The following FRMD6 variants were observed in gnomAD, a reference collection of about 807,000 sequenced individuals.
FRMD6 encodes the protein FERM domain-containing protein 6.
Under a neutral mutation model 73.2 loss-of-function variants are expected in FRMD6, and 37 were observed. The ratio of observed to expected loss-of-function variants is 0.51; its 90% CI spans 0.39 to 0.66. The LOEUF (loss-of-function observed/expected upper bound fraction) is 0.66. FRMD6 is among the 30% of genes least tolerant of loss of function. FRMD6 has a pLI of 0.00. For missense variants in FRMD6, 714 were observed against 780.5 expected (o/e 0.91, Z 1.02); for synonymous variants, 273 against 282.2 (o/e 0.97, Z 0.33).
chr14:51,474,014 C>T, the FRMD6 span, among the ~76,000 whole-genome samples: 4 of 152,212 alleles, frequency 2.6e-5, no homozygotes, highest in Non-Finnish European at 4.4e-5. Context: ...AAAAACCCTA[C>T]GAAATCTATT....
At chr14:51,489,000 GGCAT>G (rs1220950943), upstream of FRMD6, 1 of 152,206 alleles carries the variant, frequency 6.6e-6, no homozygotes, top group Non-Finnish European at 1.5e-5. Context: ...GACAGGTACG[GGCAT>G]GCATCAGAAA....
chr14:51,516,158 C>A lies in FRMD6; in HGVS notation c.-210+26738C>A, dbSNP rs534395205. Reference sequence around the variant, plus strand: ...GCCAAAGAGCTGCCCACTGGTGAACCCCTTGCCTTGAATTCTCTCTTCTAA... The same window carrying A: ...GCCAAAGAGCTGCCCACTGGTGAACACCTTGCCTTGAATTCTCTCTTCTAA... On this transcript the variant is annotated intron_variant, in intron 1 of 14. Coordinates refer to the FRMD6 transcript ENST00000356218. Among the ~76,000 whole-genome samples the A allele has an allele frequency of 3.9e-5, 6 of 152,100 alleles. No individual in the cohort carries two copies. The East Asian group carries it at 1.2e-3, about 29-fold the overall frequency.
At chr14:51,692,881 C>T (rs1895698864) in intron 2 of FRMD6, 1 of 152,126 alleles carries the variant, frequency 6.6e-6, no homozygotes, top group Admixed American at 6.6e-5. Flanking sequence ...ATGCAAGCAT[C>T]TGCCCTAAAT....
chr14:51,584,700 A>T (rs1888922732), intron 2 of FRMD6, among the ~76,000 whole-genome samples: 1 of 151,782 alleles, frequency 6.6e-6, no homozygotes, highest in Non-Finnish European at 1.5e-5. Context: ...GTTTTGCTTT[A>T]ATATCCATTA....
the FRMD6 span, among the ~76,000 whole-genome samples, chr14:51,406,913 A>G: frequency 6.6e-6 from 1 of 152,150 alleles, no homozygotes; most frequent in African/African-American, 2.4e-5. Flanking sequence ...ATTTTAGAAC[A>G]CCTTGTTGTT....
chr14:51,436,266 A>G, the FRMD6 span: 1 of 365,704 alleles, frequency 2.7e-6, no homozygotes, highest in Non-Finnish European at 5.3e-6. Flanking sequence ...CAAACTCCGT[A>G]AATAATTTTC....
At chr14:51,428,281 G>A in the FRMD6 span, among the ~76,000 whole-genome samples, 2 of 151,578 alleles carry the variant, frequency 1.3e-5, no homozygotes, top group South Asian at 2.1e-4. Flanking sequence ...CCCCCCACCC[G>A]ACCCAATTAA....
upstream of FRMD6, chr14:51,650,594 AC>A (rs1385573942): frequency 2.0e-5 from 3 of 150,644 alleles, no homozygotes; most frequent in East Asian, 5.9e-4. Context: ...ACGGGGTTTC[AC>A]CGTTTTAGCC....
chr14:51,549,647 G>T, intron 1 of FRMD6, among the ~76,000 whole-genome samples: 1 of 132,304 alleles, frequency 7.6e-6, no homozygotes, highest in Non-Finnish European at 1.6e-5. Flanking sequence ...CCGGGCTGGA[G>T]TGCAGTGGCG....
chr14:51,661,119 A>G (rs1956576), intron 1 of FRMD6, among the ~76,000 whole-genome samples: 72,589 of 151,980 alleles, frequency 0.48, 18,375 homozygotes, highest in Middle Eastern at 0.56. Flanking sequence ...TTGCATTTTA[A>G]TAGAATCACT....
chr14:51,559,498 C>G (rs1377980297), intron 1 of FRMD6, among the ~76,000 whole-genome samples: 1 of 149,290 alleles, frequency 6.7e-6, no homozygotes. Context: ...TTTTTTTAAG[C>G]AAGCCTTCCT....
chr14:51,485,970 C>A (rs1417969953), upstream of FRMD6, among the ~76,000 whole-genome samples: 2 of 151,810 alleles, frequency 1.3e-5, no homozygotes, highest in African/African-American at 2.4e-5. Flanking sequence ...TGTTGCCAGA[C>A]TTCCCCTTGA....
Position 51,702,598 on chromosome 14 carries a change from CA to C in FRMD6, c.371+11del. The C allele has an allele frequency of 6.2e-7, 1 of 1,605,394 alleles. No homozygotes were observed. The highest frequency in any genetic ancestry group is 8.5e-7 in the Non-Finnish European group (1 of 1,174,538). On this transcript the variant is annotated intron_variant, in intron 5 of 13. Coordinates refer to ENST00000344768, the MANE Select transcript of FRMD6 (RefSeq NM_001267046.2). The stretch of plus-strand genomic sequence containing the variant: ...ATGGCAGATTGATCAGGTAAGAGGA[CA>C]GGGGGTGATTCTAAACGCTTTTTTT...
At chr14:51,445,230 A>G in the FRMD6 span, among the ~76,000 whole-genome samples, 133,073 of 152,118 alleles carry the variant, frequency 0.87, 58,428 homozygotes, top group African/African-American at 0.91. Context: ...ATCCTGGTCT[A>G]TAGGGGCTGC....
chr14:51,644,517 A>G (rs926194221), intron 2 of FRMD6, among the ~76,000 whole-genome samples: 4 of 152,224 alleles, frequency 2.6e-5, no homozygotes, highest in Non-Finnish European at 5.9e-5. Context: ...GAGAGATTTT[A>G]GATCTGTGCT....
intron 7 of FRMD6, among the ~76,000 whole-genome samples, chr14:51,711,322 A>G (rs1260001348): frequency 2.0e-5 from 3 of 152,184 alleles, no homozygotes; most frequent in Non-Finnish European, 4.4e-5. Flanking sequence ...AAAAAGTAGA[A>G]TATACCATTC....
chr14:51,448,263 C>A, the FRMD6 span, among the ~76,000 whole-genome samples: 1 of 152,196 alleles, frequency 6.6e-6, no homozygotes, highest in Non-Finnish European at 1.5e-5. Flanking sequence ...TTACTGTATT[C>A]TCCATATGTC....
chr14:51,520,638 C>T (rs1884901932), intron 1 of FRMD6, among the ~76,000 whole-genome samples: 1 of 152,294 alleles, frequency 6.6e-6, no homozygotes, highest in East Asian at 1.9e-4. Context: ...TACGGTGGCT[C>T]ACCTCTTCCA....
intron 2 of FRMD6, among the ~76,000 whole-genome samples, chr14:51,596,348 T>G (rs1460156070): frequency 6.6e-6 from 1 of 151,936 alleles, no homozygotes; most frequent in Admixed American, 6.6e-5. Flanking sequence ...CATTACTGAT[T>G]TCAGGGAGTA....
Sources: gnomAD v4.1 joint callset for allele counts (sites outside exome capture counted in the v4.1 genomes callset) on GRCh38, gnomAD v4.1.1 for gene constraint, MANE v1.5 for transcripts, NCBI Gene and HGNC (gene_info 2026-07-23, HGNC 2026-07-21) for gene names.